Variants in MMRN1 observed in about 807,000 individuals in gnomAD.
MMRN1 encodes the protein multimerin 1.
MMRN1 carries 94 observed loss-of-function variants against 100.7 expected under a neutral mutation model. The ratio of observed to expected loss-of-function variants is 0.93; its 90% CI spans 0.79 to 1.11. The LOEUF is 1.11. Ranked by LOEUF, MMRN1 falls within the 50% of genes least tolerant of loss-of-function variation. The probability of loss-of-function intolerance (pLI) is 0.00; values close to 1 mark genes in which losing one functional copy is unlikely to be tolerated. For synonymous variants in MMRN1, 575 were observed against 505.0 expected, an observed-to-expected ratio of 1.14 and a Z score of -1.86; for missense variants, 1,606 against 1,439.1, an observed-to-expected ratio of 1.12 and a Z score of -1.88.
At chr4:89,898,664 C>A (rs1430488415) in intron 1 of MMRN1, among the ~76,000 whole-genome samples, 1 of 151,856 alleles carries the variant, frequency 6.6e-6, no homozygotes. Flanking sequence ...TTCTCTGGTA[C>A]AATATGTGCT....
chr4:89,945,313 A>G (rs1019488565), intron 6 of MMRN1, among the ~76,000 whole-genome samples: 1 of 152,172 alleles, frequency 6.6e-6, no homozygotes, highest in African/African-American at 2.4e-5. Context: ...AAACATTCAC[A>G]TACAGGTTTT....
In MMRN1 at chr4:89,935,396, C is replaced by A. The variant is rs769551429; in HGVS notation, c.1716C>A (p.Ser572Arg). The A allele has an allele frequency of 6.2e-7, 1 of 1,613,296 alleles. No homozygotes were observed. The highest frequency in any genetic ancestry group is 8.5e-7 in the Non-Finnish European group (1 of 1,179,684). The change falls in exon 6 of 8, where the codon AGC (serine) becomes AGA (arginine). Residue 572 changes from serine to arginine, a missense_variant. Transcript: ENST00000264790. The stretch of plus-strand genomic sequence containing the variant: ...TTGAAGATTTGCACATTCAAGAAAG[C>A]AAGATTAACAATCTCACCGTCTCTT... ...QMFEDLHIQESKINNLTVSLE... is the reference protein window; with the variant it reads ...QMFEDLHIQERKINNLTVSLE...
At chr4:89,894,598 C>T, upstream of MMRN1, 1 of 170,106 alleles carries the variant, frequency 5.9e-6, no homozygotes, top group Non-Finnish European at 1.3e-5. Context: ...CTATCGTGAA[C>T]CTGAAATTTC....
intron 1 of MMRN1, among the ~76,000 whole-genome samples, chr4:89,880,688 A>C (rs145309980): frequency 8.1e-4 from 123 of 152,272 alleles, no homozygotes; most frequent in South Asian, 3.1e-3. Flanking sequence ...GGTTTCTTAT[A>C]TAACATCTCT....
At chr4:89,899,972 C>G (rs558140847) in intron 1 of MMRN1, among the ~76,000 whole-genome samples, 40 of 152,042 alleles carry the variant, frequency 2.6e-4, no homozygotes, top group Middle Eastern at 3.4e-3. Flanking sequence ...TGGATTAAGT[C>G]TTCATTATTG....
intron 6 of MMRN1, among the ~76,000 whole-genome samples, chr4:89,950,723 A>AT (rs1723138783): frequency 6.6e-6 from 1 of 150,766 alleles, no homozygotes; most frequent in Non-Finnish European, 1.5e-5. Context: ...ATTTTTATTT[A>AT]TTTTTTATTT....
upstream of MMRN1, among the ~76,000 whole-genome samples, chr4:89,894,002 A>G (rs1488865680): frequency 6.6e-6 from 1 of 152,112 alleles, no homozygotes; most frequent in Non-Finnish European, 1.5e-5. Context: ...TGCTACCTAC[A>G]ACTGGCATAA....
At chr4:89,916,498 C>G (rs575370696) in intron 3 of MMRN1, among the ~76,000 whole-genome samples, 1 of 151,504 alleles carries the variant, frequency 6.6e-6, no homozygotes, top group African/African-American at 2.4e-5. Context: ...AAGTTAATCA[C>G]ATTTTCTTTC....
In MMRN1 at chr4:89,936,787, T is replaced by A; in HGVS notation, c.3107T>A (p.Ile1036Lys). The stretch of plus-strand genomic sequence containing the variant: ...CGGACTCAAAGAAACACGGACAACA[T>A]AATATATCCTGGTAAGCTGTTACTG... ...IGRTQRNTDN[I>K]IYPEEYSSCS... Residue 1036 changes from isoleucine (I) to lysine (K), a missense_variant, in exon 6 of 8, where the codon ATA (isoleucine) becomes AAA (lysine). Ile to Lys is a moderately radical substitution (Grantham distance 102, BLOSUM62 -3). Transcript: ENST00000264790. 6.3e-7 allele frequency: 1 copy of A among 1,587,096 alleles called. No homozygotes were observed. Among genetic ancestry groups the A allele is most frequent in the Non-Finnish European group, 8.5e-7 (1 of 1,171,330 alleles).
intron 3 of MMRN1, among the ~76,000 whole-genome samples, chr4:89,919,788 T>A (rs543719538): frequency 6.6e-6 from 1 of 152,234 alleles, no homozygotes; most frequent in South Asian, 2.1e-4. Flanking sequence ...TTTTGTTTCT[T>A]TTTCAGTGTC....
In MMRN1 at chr4:89,935,721, C is replaced by A; in HGVS notation, c.2041C>A (p.Leu681Met). The change falls in exon 6 of 8, where the codon CTG (leucine) becomes ATG (methionine). Residue 681 changes from leucine (L) to methionine (M), a missense_variant. Transcript: ENST00000264790. Reference protein sequence around the residue: ...AIVIRKKIENLTSAVNSLNFI... With the variant: ...AIVIRKKIENMTSAVNSLNFI... ...AGTGATAAGGAAAAAGATAGAAAAT[C>A]TGACTAGTGCTGTCAATAGTCTAAA... The A allele has an allele frequency of 6.2e-7, 1 of 1,610,960 alleles. No individual in the cohort carries two copies. Among genetic ancestry groups the A allele is most frequent in the South Asian group, 1.1e-5 (1 of 90,310 alleles).
chr4:89,939,135 C>T (rs747678049), intron 6 of MMRN1, among the ~76,000 whole-genome samples: 3 of 152,090 alleles, frequency 2.0e-5, no homozygotes, highest in Non-Finnish European at 4.4e-5. Flanking sequence ...GAATAAACTA[C>T]TACTTTTGAT....
intron 2 of MMRN1, 118 bp downstream of exon 2, chr4:89,909,513 T>C: frequency 7.8e-7 from 1 of 1,285,180 alleles, no homozygotes; most frequent in South Asian, 1.4e-5. Context: ...GGGATGGTAG[T>C]CACATTATGC....
intron 4 of MMRN1, among the ~76,000 whole-genome samples, chr4:89,923,813 T>C (rs1442130): frequency 1 from 152,232 of 152,320 alleles, 76,072 homozygotes; most frequent in Middle Eastern, 1. Context: ...AACTTTAGCT[T>C]TTACAAACAT....
At chr4:89,914,870 A>G (rs1473516962) in intron 3 of MMRN1, among the ~76,000 whole-genome samples, 2 of 151,598 alleles carry the variant, frequency 1.3e-5, no homozygotes, top group South Asian at 2.1e-4. Context: ...AATGATTTAA[A>G]TACAAATAGT....
At chr4:89,891,749 A>G (rs1721060576), upstream of MMRN1, among the ~76,000 whole-genome samples, 1 of 152,054 alleles carries the variant, frequency 6.6e-6, no homozygotes, top group Non-Finnish European at 1.5e-5. Context: ...TTTTTGACAG[A>G]TATGTCTTAT....
chr4:89,940,904 T>C (rs1722802300), intron 6 of MMRN1, among the ~76,000 whole-genome samples: 1 of 152,106 alleles, frequency 6.6e-6, no homozygotes, highest in South Asian at 2.1e-4. Flanking sequence ...ACTTTGATAA[T>C]TCACTGTGTT....
At chr4:89,899,796 C>T (rs1721325291) in intron 1 of MMRN1, among the ~76,000 whole-genome samples, 1 of 151,908 alleles carries the variant, frequency 6.6e-6, no homozygotes, top group African/African-American at 2.4e-5. Context: ...TCTTGTTACA[C>T]CTCTAATACA....
At chr4:89,908,072 T>C (rs1409864113) in intron 1 of MMRN1, among the ~76,000 whole-genome samples, 1 of 151,322 alleles carries the variant, frequency 6.6e-6, no homozygotes, top group East Asian at 1.9e-4. Flanking sequence ...CTTTAACACA[T>C]TTTTTAACCA....
Sources: allele counts gnomAD v4.1 joint callset (sites outside exome capture counted in the v4.1 genomes callset), GRCh38; gene constraint gnomAD v4.1.1; transcripts MANE v1.5; gene names NCBI Gene and HGNC (gene_info 2026-07-23, HGNC 2026-07-21).